Variants in PACRG observed in about 807,000 individuals in gnomAD.
The protein encoded by PACRG is parkin coregulated.
A neutral mutation model predicts 29.7 loss-of-function variants in PACRG; 29 were observed. That is an observed-to-expected ratio of 0.98 (90% confidence interval 0.73 to 1.33). The LOEUF is 1.33. PACRG is among the 40% of genes most tolerant of loss of function. The pLI, the probability that PACRG is intolerant of heterozygous loss-of-function variation, is 0.00. For missense variants in PACRG, 279 were observed against 316.2 expected, an observed-to-expected ratio of 0.88 and a Z score of 0.89; for synonymous variants, 116 against 118.7, an observed-to-expected ratio of 0.98 and a Z score of 0.15.
chr6:162,746,888 T>C (rs1301663264), intron 1 of PACRG, among the ~76,000 whole-genome samples: 1 of 152,230 alleles, frequency 6.6e-6, no homozygotes, highest in African/African-American at 2.4e-5. Flanking sequence ...CCCTTCTCTG[T>C]ATCACACTTG....
rs567522240 is a variant in PACRG, at chr6:163,288,323, G to A, written c.614-26504G>A. Among the ~76,000 whole-genome samples, 5 of 152,258 alleles carry A rather than the reference G, an allele frequency of 3.3e-5. No homozygotes were observed. In the South Asian group the frequency reaches 8.3e-4, roughly 25 times the overall value. On this transcript the variant is annotated intron_variant, in intron 4 of 4. Coordinates refer to ENST00000366888, the MANE Select transcript of PACRG (RefSeq NM_001080379.2). ...TCCGTGTGCGTGGTATTCTGTAACC[G>A]AGGTCATTAAAGGTAGACGTCACAG...
chr6:162,874,562 T>A (rs1793127821), intron 2 of PACRG, among the ~76,000 whole-genome samples: 1 of 152,098 alleles, frequency 6.6e-6, no homozygotes, highest in South Asian at 2.1e-4. Context: ...TGGAAGCACG[T>A]GACCTGCACC....
intron 1 of PACRG, among the ~76,000 whole-genome samples, chr6:162,804,820 T>A (rs1786181405): frequency 6.6e-6 from 1 of 152,190 alleles, no homozygotes; most frequent in Non-Finnish European, 1.5e-5. Context: ...ATATTGAATA[T>A]TTATTGAAAT....
intron 4 of PACRG, among the ~76,000 whole-genome samples, chr6:163,277,726 C>T (rs1269588423): frequency 2.0e-5 from 3 of 149,762 alleles, no homozygotes; most frequent in African/African-American, 7.4e-5. Context: ...TTTCTTTATC[C>T]ACTAGTTGAT....
chr6:162,931,759 A>G (rs1222176714), intron 2 of PACRG, among the ~76,000 whole-genome samples: 4 of 152,026 alleles, frequency 2.6e-5, no homozygotes, highest in Admixed American at 6.6e-5. Flanking sequence ...TTATTATGTC[A>G]TGTGTTGGTG....
chr6:163,222,680 G>C (rs1447905286), intron 4 of PACRG, among the ~76,000 whole-genome samples: 1 of 152,172 alleles, frequency 6.6e-6, no homozygotes, highest in Non-Finnish European at 1.5e-5. Flanking sequence ...CATCCTAAAA[G>C]AGCTGAAGCA....
chr6:163,185,616 G>A (rs1188357580), intron 4 of PACRG, among the ~76,000 whole-genome samples: 2 of 152,106 alleles, frequency 1.3e-5, no homozygotes, highest in Admixed American at 6.5e-5. Flanking sequence ...ATTAGTTCCC[G>A]ATGCCTGAGA....
chr6:162,906,899 A>G (rs796079821), intron 2 of PACRG, among the ~76,000 whole-genome samples: 19 of 152,346 alleles, frequency 1.2e-4, no homozygotes, highest in African/African-American at 4.3e-4. Context: ...TAAGTTCTGG[A>G]ATATAGTGCA....
intron 4 of PACRG, among the ~76,000 whole-genome samples, chr6:163,148,063 G>C (rs1562939196): frequency 6.6e-6 from 1 of 152,226 alleles, no homozygotes; most frequent in Non-Finnish European, 1.5e-5. Flanking sequence ...CTGAGGACAA[G>C]ACGATGTCTA....
At chr6:162,861,080 G>C (rs896857806) in intron 2 of PACRG, among the ~76,000 whole-genome samples, 5 of 152,192 alleles carry the variant, frequency 3.3e-5, no homozygotes, top group Non-Finnish European at 5.9e-5. Flanking sequence ...TCTCATGAAG[G>C]CTGTGCGCTT....
intron 2 of PACRG, among the ~76,000 whole-genome samples, chr6:162,815,386 A>G (rs1244439589): frequency 6.6e-6 from 1 of 150,642 alleles, no homozygotes; most frequent in East Asian, 1.9e-4. Context: ...GACACATTGA[A>G]AGGATTATTG....
At chr6:163,066,807 A>G (rs1811586167) in intron 3 of PACRG, among the ~76,000 whole-genome samples, 1 of 152,258 alleles carries the variant, frequency 6.6e-6, no homozygotes, top group African/African-American at 2.4e-5. Context: ...AATATGTTCA[A>G]AGATATATTG....
At chr6:162,918,676 T>C (rs1796862630) in intron 2 of PACRG, among the ~76,000 whole-genome samples, 1 of 152,160 alleles carries the variant, frequency 6.6e-6, no homozygotes, top group South Asian at 2.1e-4. Context: ...ACAACACATA[T>C]GTATTAGTTC....
intron 4 of PACRG, among the ~76,000 whole-genome samples, chr6:163,288,361 G>A (rs546758490): frequency 2.6e-5 from 4 of 152,258 alleles, no homozygotes; most frequent in South Asian, 2.1e-4. Context: ...GCAAGAGCCC[G>A]ACAGGCCTGT....
chr6:163,289,172 C>T (rs909345413), intron 4 of PACRG, among the ~76,000 whole-genome samples: 2 of 152,156 alleles, frequency 1.3e-5, no homozygotes, highest in African/African-American at 2.4e-5. Context: ...TGAGTTTGGC[C>T]GTGGACCGAC....
At chr6:162,989,017 A>C (rs929496325) in intron 2 of PACRG, among the ~76,000 whole-genome samples, 2 of 152,028 alleles carry the variant, frequency 1.3e-5, no homozygotes, top group Non-Finnish European at 2.9e-5. Context: ...GAAAAAATTC[A>C]ATATACTTTT....
chr6:163,106,502 T>C (rs1411437495), intron 4 of PACRG, among the ~76,000 whole-genome samples: 1 of 152,194 alleles, frequency 6.6e-6, no homozygotes, highest in Non-Finnish European at 1.5e-5. Context: ...GCATTATTCT[T>C]GGATGAAAAG....
At chr6:162,858,758 C>G (rs1202550652) in intron 2 of PACRG, among the ~76,000 whole-genome samples, 3 of 152,152 alleles carry the variant, frequency 2.0e-5, no homozygotes, top group African/African-American at 4.8e-5. Context: ...CCAGTTTCTT[C>G]TCCGTGTTCC....
chr6:162,870,084 C>T (rs1010253742), intron 2 of PACRG, among the ~76,000 whole-genome samples: 9 of 152,208 alleles, frequency 5.9e-5, no homozygotes, highest in African/African-American at 1.9e-4. Flanking sequence ...GGAATGGAGA[C>T]ATTCCTGGGA....
Sources: allele counts gnomAD v4.1 joint callset (sites outside exome capture counted in the v4.1 genomes callset), GRCh38; gene constraint gnomAD v4.1.1; transcripts MANE v1.5; gene names NCBI Gene and HGNC (gene_info 2026-07-23, HGNC 2026-07-21).